The following GNAL variants were observed in gnomAD, a reference collection of about 807,000 sequenced individuals.
GNAL encodes guanine nucleotide-binding protein G(olf) subunit alpha.
A neutral mutation model predicts 55.1 loss-of-function variants in GNAL; 18 were observed. The observed-to-expected ratio is 0.33, with a 90% CI of 0.23 to 0.48. The LOEUF is 0.48. Ranked by LOEUF, GNAL falls within the 20% of genes least tolerant of loss-of-function variation. The pLI, the probability that GNAL is intolerant of heterozygous loss-of-function variation, is 0.99. For synonymous variants in GNAL, 253 were observed against 237.0 expected, an observed-to-expected ratio of 1.07 and a Z score of -0.62; for missense variants, 412 against 614.1, an observed-to-expected ratio of 0.67 and a Z score of 3.48.
intron 1 of GNAL, among the ~76,000 whole-genome samples, chr18:11,723,772 T>G (rs2032149913): frequency 6.6e-6 from 1 of 151,986 alleles, no homozygotes; most frequent in Non-Finnish European, 1.5e-5. Flanking sequence ...GCCCTGGGAG[T>G]CACTCCCCTC....
Position 11,842,105 on chromosome 18 carries a change from T to A in GNAL, c.722+17090T>A, listed in dbSNP as rs541341103. Among the ~76,000 whole-genome samples, 19 of 152,098 alleles carry A rather than the reference T, an allele frequency of 1.2e-4. 1 individual carries two copies. The highest frequency in any genetic ancestry group is 1.2e-3 in the Admixed American group (19 of 15,268). On this transcript the variant is annotated intron_variant, in intron 5 of 11. Coordinates refer to ENST00000334049, the MANE Select transcript of GNAL (RefSeq NM_182978.4). ...CTCCTGCCTCAGCCTCCCGAGTAGC[T>A]GGGATTACAGGCATGTGCTATCATG...
chr18:11,848,804 C>A (rs1383565983), intron 5 of GNAL, among the ~76,000 whole-genome samples: 6 of 152,196 alleles, frequency 3.9e-5, no homozygotes, highest in Admixed American at 2.6e-4. Flanking sequence ...GTCAATGCAA[C>A]TCTGTCTTCT....
chr18:11,868,676 G>A lies in GNAL; in HGVS notation c.1031+13G>A, dbSNP rs750067229. The A allele has an allele frequency of 3.8e-6, 6 of 1,598,112 alleles. No homozygotes were observed. The highest frequency in any genetic ancestry group is 1.1e-5 in the South Asian group (1 of 88,342). ...TCTGGAACAACAGGTGACAAAAATA[G>A]CAAATTCAGTCTTACCATTGGATTG... On this transcript the variant is annotated intron_variant, in intron 9 of 11. Transcript: ENST00000334049. This position sits in a 1 kb window ranked among gnomAD's most constrained non-coding sequence, Gnocchi z 4.0.
intron 4 of GNAL, among the ~76,000 whole-genome samples, chr18:11,785,311 T>C (rs1475371723): frequency 6.6e-6 from 1 of 152,166 alleles, no homozygotes; most frequent in Non-Finnish European, 1.5e-5. Context: ...CTTTAGGGAA[T>C]CCCTGGAAAT....
rs138688908 is a variant in GNAL at position 11,701,051 on chromosome 18, C to T, written c.376+11112C>T. Among the ~76,000 whole-genome samples the T allele has an allele frequency of 3.9e-3, 600 of 152,314 alleles. 3 individuals carry two copies. The highest frequency in any genetic ancestry group is 0.013 in the African/African-American group (543 of 41,564). On this transcript the variant is annotated intron_variant, in intron 1 of 11. Transcript: ENST00000334049. Reference sequence around the variant, plus strand: ...TTCCACAAGGCAGAGAGCACAGCCTCAGCCCTGGAAAAGTTCACTGTGTTG... The same window carrying T: ...TTCCACAAGGCAGAGAGCACAGCCTTAGCCCTGGAAAAGTTCACTGTGTTG...
At chr18:11,834,580 G>T (rs1218217952) in intron 5 of GNAL, among the ~76,000 whole-genome samples, 1 of 152,034 alleles carries the variant, frequency 6.6e-6, no homozygotes, top group Non-Finnish European at 1.5e-5. Flanking sequence ...TAGCTAAGTG[G>T]GGTGGTGTGT....
At chr18:11,767,321 C>A (rs144858803) in intron 4 of GNAL, among the ~76,000 whole-genome samples, 122 of 151,826 alleles carry the variant, frequency 8.0e-4, no homozygotes, top group African/African-American at 2.8e-3. Flanking sequence ...TTTACACTTG[C>A]ATGCTTACTC....
intron 10 of GNAL, among the ~76,000 whole-genome samples, chr18:11,876,054 T>C (rs962868772): frequency 2.0e-5 from 3 of 152,210 alleles, no homozygotes; most frequent in African/African-American, 7.2e-5. Flanking sequence ...CTCTTGATAT[T>C]GTTGCATTGG....
At chr18:11,760,517 G>A (rs1408716544) in intron 4 of GNAL, among the ~76,000 whole-genome samples, 1 of 152,140 alleles carries the variant, frequency 6.6e-6, no homozygotes, top group Non-Finnish European at 1.5e-5. Context: ...AAAGTACCAT[G>A]TTTTCCTTCC....
rs571903932 is a variant in GNAL, at chr18:11,884,430, A to G, written c.*3295A>G. 8 of 1,609,490 alleles carry G rather than the reference A, an allele frequency of 5.0e-6. No homozygotes were observed. The African/African-American group carries it at 8.0e-5, about 16-fold the overall frequency. On this transcript the variant is annotated 3_prime_UTR_variant, in exon 12 of 12. Coordinates refer to ENST00000334049, the MANE Select transcript of GNAL (RefSeq NM_182978.4). ...CCATTTCTTGGGCTTTGATATTTATAATGGCGCCTGCTCTTCATCTTGTCT... is the reference window on the plus strand; with the variant it reads ...CCATTTCTTGGGCTTTGATATTTATGATGGCGCCTGCTCTTCATCTTGTCT...
chr18:11,788,923 A>ATATATATATG (rs2034149466), intron 4 of GNAL, among the ~76,000 whole-genome samples: 1 of 128,340 alleles, frequency 7.8e-6, no homozygotes, highest in Admixed American at 8.5e-5. Flanking sequence ...AAATATATAT[A>ATATATATATG]TATATATATA....
intron 4 of GNAL, among the ~76,000 whole-genome samples, chr18:11,765,796 A>G (rs2033389049): frequency 1.3e-5 from 2 of 151,598 alleles, no homozygotes; most frequent in Admixed American, 6.6e-5. Flanking sequence ...CATTTTTTTT[A>G]TTATTATTTC....
At chr18:11,758,839 G>T (rs1159586444) in intron 4 of GNAL, among the ~76,000 whole-genome samples, 1 of 152,162 alleles carries the variant, frequency 6.6e-6, no homozygotes, top group African/African-American at 2.4e-5. Flanking sequence ...ATAGTCTTAA[G>T]TGATTATGCC....
At chr18:11,739,765 C>G (rs1479004269) in intron 1 of GNAL, among the ~76,000 whole-genome samples, 1 of 151,982 alleles carries the variant, frequency 6.6e-6, no homozygotes, top group African/African-American at 2.4e-5. Flanking sequence ...CTGTGGAAAC[C>G]TGTGATGCCC....
chr18:11,780,412 G>C (rs1003664955), intron 4 of GNAL, among the ~76,000 whole-genome samples: 5 of 151,532 alleles, frequency 3.3e-5, no homozygotes, highest in African/African-American at 1.2e-4. Flanking sequence ...CAAATGTTAA[G>C]ACATGCCAAC....
chr18:11,796,045 G>A (rs1164352663), intron 4 of GNAL, among the ~76,000 whole-genome samples: 2 of 152,108 alleles, frequency 1.3e-5, no homozygotes, highest in African/African-American at 2.4e-5. Context: ...CCAAGTATTC[G>A]CCCGGAAGGA....
intron 1 of GNAL, among the ~76,000 whole-genome samples, chr18:11,720,685 C>G (rs1197878742): frequency 6.6e-6 from 1 of 152,200 alleles, no homozygotes; most frequent in East Asian, 1.9e-4. Flanking sequence ...GTGGAAGCTT[C>G]TCAATTGCAC....
intron 5 of GNAL, among the ~76,000 whole-genome samples, chr18:11,859,626 A>G (rs1369567703): frequency 6.6e-6 from 1 of 152,166 alleles, no homozygotes; most frequent in East Asian, 1.9e-4. Context: ...GGTGCGCAGT[A>G]GCACCTCCCA....
chr18:11,860,958 G>A (rs1021779227), intron 5 of GNAL, among the ~76,000 whole-genome samples: 2 of 152,182 alleles, frequency 1.3e-5, no homozygotes, highest in Non-Finnish European at 2.9e-5. Context: ...GTGGGGTGGC[G>A]TTTTGTGTTC....
Sources: allele counts gnomAD v4.1 joint callset (sites outside exome capture counted in the v4.1 genomes callset), GRCh38; gene constraint gnomAD v4.1.1; non-coding constraint Gnocchi (gnomAD v3.1); transcripts MANE v1.5; gene names NCBI Gene and HGNC (gene_info 2026-07-23, HGNC 2026-07-21).